Variants in BAZ2A observed in about 807,000 individuals in gnomAD.
BAZ2A encodes bromodomain adjacent to zinc finger domain 2A, also known as bromodomain adjacent to zinc finger domain protein 2A.
Under a neutral mutation model 199.9 loss-of-function variants are expected in BAZ2A, and 34 were observed. That is an observed-to-expected ratio of 0.17 (90% CI 0.13 to 0.23). The LOEUF (loss-of-function observed/expected upper bound fraction) is 0.23. BAZ2A is among the 10% of genes least tolerant of loss of function. The pLI, the probability that BAZ2A is intolerant of heterozygous loss-of-function variation, is 1.00. For synonymous variants in BAZ2A, 857 were observed against 883.9 expected (o/e 0.97, Z 0.54); for missense variants, 2,002 against 2,391.1 (o/e 0.84, Z 3.39).
upstream of BAZ2A, among the ~76,000 whole-genome samples, chr12:56,637,190 G>A (rs117186143): frequency 2.0e-3 from 310 of 152,324 alleles, 1 homozygote; most frequent in Non-Finnish European, 3.7e-3. Flanking sequence ...AGTCTCCAGT[G>A]CTACCGCGAG....
rs1166940872 is a variant in BAZ2A, at chr12:56,635,647, A to C, written c.4+535T>G. Among the ~76,000 whole-genome samples the C allele has an allele frequency of 6.6e-6, 1 of 152,146 alleles. No individual in the cohort carries two copies. The highest frequency in any genetic ancestry group is 1.5e-5 in the Non-Finnish European group (1 of 68,032). ...GGACCATGAGAATCGACTTTGGTTC[A>C]GTTTTCCCCCAACCACCACCACCCT... On this transcript the variant is annotated intron_variant, in intron 1 of 29. Coordinates refer to the BAZ2A transcript ENST00000379441. This position sits in a 1 kb window ranked among gnomAD's most constrained non-coding sequence, Gnocchi z 4.1.
intron 2 of BAZ2A, among the ~76,000 whole-genome samples, chr12:56,616,153 G>A (rs1307816698): frequency 1.3e-5 from 2 of 152,002 alleles, no homozygotes; most frequent in African/African-American, 4.8e-5. Context: ...CACCTGCCTC[G>A]GCCTCCCAAA....
In BAZ2A at chr12:56,598,577, T is replaced by TG. The variant is rs752709754; in HGVS notation, c.*40dup. ...AAATGGCAGGTTTTTGTTTGGAAGG[T>TG]GGGGGGAGATGCCACAAGGTGACTC... is the stretch of plus-strand genomic sequence containing the variant. On this transcript the variant is annotated 3_prime_UTR_variant, in exon 29 of 29. Transcript: ENST00000549884. The TG allele has an allele frequency of 4.2e-5, 67 of 1,594,642 alleles. No homozygotes were observed. Among genetic ancestry groups the TG allele is most frequent in the Non-Finnish European group, 5.3e-5 (62 of 1,171,484 alleles).
chr12:56,604,238 A>G lies in BAZ2A; in HGVS notation c.3017T>C (p.Ile1006Thr). 1 of 1,608,092 alleles carries G rather than the reference A, an allele frequency of 6.2e-7. No individual in the cohort carries two copies. Among genetic ancestry groups the G allele is most frequent in the East Asian group, 2.2e-5 (1 of 44,828 alleles). ...SMSSYRKNKW[I>T]VEGRLRRLKT... Reference sequence around the variant, plus strand: ...CTACCTCCGGAGCCGGCCTTCAACAATCCACTTGTTTTTCCTGTAGCTGGA... The same window carrying G: ...CTACCTCCGGAGCCGGCCTTCAACAGTCCACTTGTTTTTCCTGTAGCTGGA... The change falls in exon 16 of 29, where the codon ATT (isoleucine) becomes ACT (threonine). Residue 1006 changes from isoleucine to threonine, a missense_variant. By Grantham distance (89) the Ile-to-Thr change is moderately conservative (BLOSUM62 -1). Transcript: ENST00000549884.
chr12:56,606,695 T>C lies in BAZ2A; in HGVS notation c.2131A>G (p.Ser711Gly). The C allele has an allele frequency of 6.2e-7, 1 of 1,613,924 alleles. No homozygotes were observed. The highest frequency in any genetic ancestry group is 1.1e-5 in the South Asian group (1 of 91,078). ...NEEDKAKIAKSKKKMRQKVQR... is the reference protein window; with the variant it reads ...NEEDKAKIAKGKKKMRQKVQR... ...ACCTTCTGCCTCATCTTCTTCTTGC[T>C]TTTAGCAATCTTTGCTTTATCCTCC... Residue 711 changes from serine to glycine, a missense_variant, in exon 11 of 29, where the codon AGC becomes GGC. Transcript: ENST00000549884.
rs1885733746 is a variant in BAZ2A at position 56,595,821 on chromosome 12, G to GC, written c.*2796dup. ...TCCACACAGAGGGTATGGAACAGGA[G>GC]CCCCTGTTGTTCCCTTGCCTGTGGT... is the stretch of plus-strand genomic sequence containing the variant. On this transcript the variant is annotated 3_prime_UTR_variant, in exon 29 of 29. Coordinates refer to ENST00000549884, the MANE Select transcript of BAZ2A (RefSeq NM_001300905.2). 6.6e-6 allele frequency: 1 copy of GC among 152,552 alleles called. No homozygotes were observed. Among genetic ancestry groups the GC allele is most frequent in the Admixed American group, 6.6e-5 (1 of 15,248 alleles). 9.4% of individuals were successfully genotyped at this position (152,552 alleles called of 1,614,324 possible).
At chr12:56,625,674 G>A (rs553301284) in intron 1 of BAZ2A, among the ~76,000 whole-genome samples, 62 of 151,522 alleles carry the variant, frequency 4.1e-4, no homozygotes, top group African/African-American at 1.5e-3. Flanking sequence ...TCAGGAGATC[G>A]AGACCATCCT....
upstream of BAZ2A, among the ~76,000 whole-genome samples, chr12:56,634,075 C>A (rs1951384734): frequency 6.6e-6 from 1 of 152,198 alleles, no homozygotes. Flanking sequence ...CAGATTCACA[C>A]AGACTTGTTT....
At chr12:56,626,908 AG>A (rs1951111801) in intron 1 of BAZ2A, among the ~76,000 whole-genome samples, 1 of 152,234 alleles carries the variant, frequency 6.6e-6, no homozygotes, top group African/African-American at 2.4e-5. Context: ...GGAACTAATC[AG>A]GGGCAAGAAA....
Position 56,605,257 on chromosome 12 carries a change from A to G in BAZ2A, c.2564T>C (p.Ile855Thr), listed in dbSNP as rs752682937. ...GCCAAAGCTATGCAGGAACTCCACA[A>G]TGGTCAAGCAGTCTGAGAAGGCTCC... ...PSGAFSDCLT[I>T]VEFLHSFGKV... The change falls in exon 14 of 29, where the codon ATT becomes ACT. Residue 855 changes from isoleucine to threonine, a missense_variant. By Grantham distance (89) the Ile-to-Thr change is moderately conservative. Coordinates refer to ENST00000549884, the MANE Select transcript of BAZ2A (RefSeq NM_001300905.2). 1.9e-6 allele frequency: 3 copies of G among 1,613,858 alleles called. No individual in the cohort carries two copies. The Admixed American group carries it at 5.0e-5, about 27-fold the overall frequency.
chr12:56,601,540 A>G lies in BAZ2A; in HGVS notation c.4071+6T>C, dbSNP rs368139463. ...CAAGTGCATACTACTAATTCTGGCT[A>G]CTTACTGGCTTGGAGGAGGCAAGCT... On this transcript the variant is annotated splice_donor_region_variant and intron_variant, in intron 20 of 28. Transcript: ENST00000549884. The G allele has an allele frequency of 3.6e-5, 58 of 1,611,494 alleles. No homozygotes were observed. Among genetic ancestry groups the G allele is most frequent in the Non-Finnish European group, 4.5e-5 (53 of 1,179,290 alleles).
chr12:56,626,205 T>C (rs567634129), intron 1 of BAZ2A, among the ~76,000 whole-genome samples: 2 of 152,290 alleles, frequency 1.3e-5, no homozygotes, highest in African/African-American at 4.8e-5. Flanking sequence ...TTGGGCTATA[T>C]ATAAGGCATA....
At chr12:56,605,396 A>G (rs1950312644) in intron 13 of BAZ2A, 69 bp from the exon 14 acceptor site, 1 of 1,431,890 alleles carries the variant, frequency 7.0e-7, no homozygotes, top group African/African-American at 1.4e-5. Flanking sequence ...CATGTCTACA[A>G]GAGGTTCTTC....
At chr12:56,624,821 C>CT (rs1194248589) in intron 1 of BAZ2A, among the ~76,000 whole-genome samples, 1 of 152,090 alleles carries the variant, frequency 6.6e-6, no homozygotes, top group Admixed American at 6.5e-5. Flanking sequence ...TCTCCGGAGG[C>CT]TGAGGTGGGA....
At chr12:56,625,895 AAAC>A (rs1592622259) in intron 1 of BAZ2A, among the ~76,000 whole-genome samples, 11 of 151,496 alleles carry the variant, frequency 7.3e-5, no homozygotes, top group Admixed American at 1.3e-4. Context: ...AAAAAAAAAA[AAAC>A]AACAACAAAA....
At chr12:56,606,417 T>C in intron 11 of BAZ2A, 105 bp from the exon 12 acceptor site, 1 of 1,378,814 alleles carries the variant, frequency 7.3e-7, no homozygotes, top group South Asian at 1.2e-5. Flanking sequence ...AGGTGAGAGA[T>C]GGAATGAGGG....
At position 56,612,048 on chromosome 12, in the gene BAZ2A, G is replaced by A; in HGVS notation, c.1334C>T (p.Pro445Leu). Residue 445 changes from proline (P) to leucine (L), a missense_variant, in exon 6 of 29, where the codon CCA becomes CTA. Physicochemically the swap from Pro to Leu is moderately conservative, Grantham distance 98 (BLOSUM62 -3). Coordinates refer to ENST00000549884, the MANE Select transcript of BAZ2A (RefSeq NM_001300905.2). ...GGGACAAACTTCTGGAGAGATTTCTGGGGAGGCTGCTGGAGAAACCACTAG... is the reference window on the plus strand; with the variant it reads ...GGGACAAACTTCTGGAGAGATTTCTAGGGAGGCTGCTGGAGAAACCACTAG... ...VSLVVSPAAS[P>L]EISPEVCPAA... is the part of the protein sequence containing the mutation. 1.2e-6 allele frequency: 2 copies of A among 1,613,820 alleles called. No homozygotes were observed. Among genetic ancestry groups the A allele is most frequent in the Non-Finnish European group, 1.7e-6 (2 of 1,179,826 alleles).
At position 56,598,459 on chromosome 12, in the gene BAZ2A, G is replaced by A; in HGVS notation, c.*159C>T. 1.2e-6 allele frequency: 1 copy of A among 857,746 alleles called. No individual in the cohort carries two copies. Among genetic ancestry groups the A allele is most frequent in the South Asian group, 1.8e-5 (1 of 56,720 alleles). The allele number at this position is 857,746 out of a possible 1,614,324, so 53.1% of individuals were successfully genotyped here. A position where few individuals can be genotyped will look rare whatever the true frequency, so the allele number is the denominator to read the frequency against. On this transcript the variant is annotated 3_prime_UTR_variant, in exon 29 of 29. Transcript: ENST00000549884. Reference sequence around the variant, plus strand: ...GGAGGGAAGGGAGAAAGGGATGTAGGAATAAGAGGATGTGGGGCACTGCCA... The same window carrying A: ...GGAGGGAAGGGAGAAAGGGATGTAGAAATAAGAGGATGTGGGGCACTGCCA...
intron 1 of BAZ2A, among the ~76,000 whole-genome samples, chr12:56,626,962 A>T (rs942883010): frequency 6.6e-6 from 1 of 152,242 alleles, no homozygotes; most frequent in African/African-American, 2.4e-5. Flanking sequence ...CTGTTTCCAG[A>T]ATATCAAAAA....
Sources: gnomAD v4.1 joint callset for allele counts (sites outside exome capture counted in the v4.1 genomes callset) on GRCh38, gnomAD v4.1.1 for gene constraint, Gnocchi (gnomAD v3.1) non-coding constraint, MANE v1.5 for transcripts, NCBI Gene and HGNC (gene_info 2026-07-23, HGNC 2026-07-21) for gene names.